The following AFF3 variants were observed in gnomAD, a reference collection of about 807,000 sequenced individuals.
AFF3 encodes ALF transcription elongation factor 3.
Under a neutral mutation model 129.7 loss-of-function variants are expected in AFF3, and 32 were observed. The observed-to-expected ratio is 0.25, with a 90% CI of 0.19 to 0.33. AFF3 has a LOEUF of 0.33. Ranked by LOEUF, AFF3 falls within the 10% of genes least tolerant of loss-of-function variation. The pLI, the probability that AFF3 is intolerant of heterozygous loss-of-function variation, is 1.00. For missense variants in AFF3, 1,373 were observed against 1,592.0 expected (o/e 0.86, Z 2.34); for synonymous variants, 644 against 635.4 (o/e 1.01, Z -0.20).
intron 7 of AFF3, among the ~76,000 whole-genome samples, chr2:99,856,270 A>G (rs1207991250): frequency 1.3e-5 from 2 of 152,208 alleles, no homozygotes; most frequent in South Asian, 2.1e-4. Flanking sequence ...GATGTTAACA[A>G]TATGATTTAA....
chr2:99,779,596 G>A (rs1007018084), intron 8 of AFF3, among the ~76,000 whole-genome samples: 1 of 152,156 alleles, frequency 6.6e-6, no homozygotes, highest in Non-Finnish European at 1.5e-5. Flanking sequence ...GCGTAGTGGT[G>A]AAGTCTGGGC....
chr2:99,916,095 T>C (rs1695456400), intron 7 of AFF3, among the ~76,000 whole-genome samples: 2 of 152,160 alleles, frequency 1.3e-5, no homozygotes, highest in African/African-American at 4.8e-5. Flanking sequence ...CTGTAGCCTG[T>C]GGCCATAAAA....
chr2:100,086,700 A>T (rs569326301), intron 4 of AFF3, among the ~76,000 whole-genome samples: 2 of 152,336 alleles, frequency 1.3e-5, no homozygotes, highest in East Asian at 3.9e-4. Flanking sequence ...CTATTGAAAA[A>T]AGATGTTTCT....
chr2:99,742,256 A>G (rs1680780665), intron 10 of AFF3, among the ~76,000 whole-genome samples: 1 of 152,072 alleles, frequency 6.6e-6, no homozygotes. Context: ...ATGTGGGAGG[A>G]TTGCTTGAGC....
intron 8 of AFF3, among the ~76,000 whole-genome samples, chr2:99,827,324 G>A (rs1027865871): frequency 1.3e-5 from 2 of 152,118 alleles, no homozygotes; most frequent in African/African-American, 4.8e-5. Flanking sequence ...GGTCCACGTA[G>A]GAGACCCAGG....
rs1429710530 is a variant in AFF3, at chr2:99,550,681, C to T, written c.*793G>A. 2 of 232,800 alleles carry T rather than the reference C, an allele frequency of 8.6e-6. No individual in the cohort carries two copies. The highest frequency in any genetic ancestry group is 1.7e-5 in the Non-Finnish European group (2 of 117,838). 14.4% of individuals were successfully genotyped at this position (232,800 alleles called of 1,614,324 possible). A position where few individuals can be genotyped will look rare whatever the true frequency, so the allele number is the denominator to read the frequency against. ...ACTGAGCTCCAACACACAGGCACTG[C>T]TACCTTAGTGTCTGTTAACTTTCAA... On this transcript the variant is annotated 3_prime_UTR_variant, in exon 25 of 25. Transcript: ENST00000672756.
chr2:100,061,858 G>C (rs1030711550), intron 4 of AFF3, among the ~76,000 whole-genome samples: 2 of 63,918 alleles, frequency 3.1e-5, no homozygotes, highest in African/African-American at 1.0e-4. Flanking sequence ...GCACAGTGGA[G>C]GGGGGGGGGG....
At chr2:99,987,152 C>T (rs1679946597) in intron 7 of AFF3, among the ~76,000 whole-genome samples, 3 of 152,196 alleles carry the variant, frequency 2.0e-5, no homozygotes, top group Admixed American at 2.0e-4. Context: ...TCTCTCTGAC[C>T]TCACCCTTTG....
chr2:99,581,297 C>A (rs1677517461), intron 17 of AFF3, among the ~76,000 whole-genome samples: 1 of 151,784 alleles, frequency 6.6e-6, no homozygotes, highest in East Asian at 1.9e-4. Context: ...GCTTTTTGTT[C>A]CATGTTTTTC....
intron 12 of AFF3, among the ~76,000 whole-genome samples, chr2:99,658,820 G>A (rs1685984648): frequency 6.6e-6 from 1 of 152,130 alleles, no homozygotes; most frequent in Admixed American, 6.5e-5. Context: ...GGTGAATTCT[G>A]AACTGTGGCA....
intron 17 of AFF3, among the ~76,000 whole-genome samples, chr2:99,578,784 AT>A: frequency 6.6e-6 from 1 of 152,158 alleles, no homozygotes; most frequent in Admixed American, 6.5e-5. Flanking sequence ...TAGGGTTTAG[AT>A]GCCCACTTTT....
In AFF3 at chr2:99,582,914, T is replaced by C. The variant is rs112836553; in HGVS notation, c.2677A>G (p.Ser893Gly). 7 of 1,614,154 alleles carry C rather than the reference T, an allele frequency of 4.3e-6. No individual in the cohort carries two copies. The African/African-American group carries it at 5.3e-5, about 12-fold the overall frequency. The change falls in exon 17 of 25, where the codon AGC becomes GGC. Residue 893 changes from serine to glycine, a missense_variant. Physicochemically the swap from Ser to Gly is moderately conservative, Grantham distance 56. Transcript: ENST00000672756. ...CGGCTGGAAGAAGTTAAGTCCTCGCTGGTGTATTTGTGTTTAGATGCATCA... is the reference window on the plus strand; with the variant it reads ...CGGCTGGAAGAAGTTAAGTCCTCGCCGGTGTATTTGTGTTTAGATGCATCA... Reference protein sequence around the residue: ...LSDASKHKYTSEDLTSSSRPN... With the variant: ...LSDASKHKYTGEDLTSSSRPN...
intron 7 of AFF3, among the ~76,000 whole-genome samples, chr2:100,002,829 C>G (rs962974748): frequency 6.6e-6 from 1 of 152,140 alleles, no homozygotes; most frequent in Non-Finnish European, 1.5e-5. Flanking sequence ...CTTGTCAAAC[C>G]ACCAACTGCA....
intron 1 of AFF3, among the ~76,000 whole-genome samples, chr2:100,140,455 G>A (rs1692812062): frequency 6.6e-6 from 1 of 152,222 alleles, no homozygotes. Context: ...TTCTGGGTGT[G>A]ATGGGTGGGG....
intron 7 of AFF3, among the ~76,000 whole-genome samples, chr2:99,965,385 G>T (rs1008130488): frequency 1.3e-5 from 2 of 152,164 alleles, no homozygotes; most frequent in African/African-American, 2.4e-5. Context: ...GCACCATGGA[G>T]GAAGAAACAC....
At chr2:99,620,366 C>T (rs987572535) in intron 13 of AFF3, among the ~76,000 whole-genome samples, 8 of 152,192 alleles carry the variant, frequency 5.3e-5, no homozygotes, top group African/African-American at 1.9e-4. Context: ...TGGTGACTCA[C>T]ACCTGTATTC....
intron 14 of AFF3, among the ~76,000 whole-genome samples, chr2:99,598,934 A>G (rs1167685331): frequency 6.6e-6 from 1 of 152,246 alleles, no homozygotes; most frequent in African/African-American, 2.4e-5. Context: ...AAAGAACTTT[A>G]CTTTTATTCC....
chr2:99,935,590 T>G (rs1462524598), intron 7 of AFF3, among the ~76,000 whole-genome samples: 1 of 152,152 alleles, frequency 6.6e-6, no homozygotes, highest in Non-Finnish European at 1.5e-5. Context: ...TGGTGGGCCA[T>G]CCCAATGATG....
chr2:99,995,946 T>C (rs557515660), intron 7 of AFF3, among the ~76,000 whole-genome samples: 2 of 152,348 alleles, frequency 1.3e-5, no homozygotes, highest in African/African-American at 4.8e-5. Context: ...AAGGTTTATA[T>C]ATGAGAATTG....
Sources: allele counts gnomAD v4.1 joint callset (sites outside exome capture counted in the v4.1 genomes callset), GRCh38; gene constraint gnomAD v4.1.1; transcripts MANE v1.5; gene names NCBI Gene and HGNC (gene_info 2026-07-23, HGNC 2026-07-21).